CDH18: variants seen among roughly 807,000 people sequenced by gnomAD.
CDH18 encodes cadherin-18.
Under a neutral mutation model 67.9 loss-of-function variants are expected in CDH18, and 31 were observed. The observed-to-expected ratio is 0.46, with a 90% CI of 0.34 to 0.62. The LOEUF (loss-of-function observed/expected upper bound fraction) is 0.62. Ranked by LOEUF, CDH18 falls within the 20% of genes least tolerant of loss-of-function variation. The pLI is 0.01. For missense variants in CDH18, 890 were observed against 975.5 expected, an observed-to-expected ratio of 0.91 and a Z score of 1.17; for synonymous variants, 362 against 347.2, an observed-to-expected ratio of 1.04 and a Z score of -0.48.
At chr5:20,090,888 A>G (rs1455335313) in intron 2 of CDH18, among the ~76,000 whole-genome samples, 1 of 151,698 alleles carries the variant, frequency 6.6e-6, no homozygotes, top group Non-Finnish European at 1.5e-5. Context: ...TATAAAATAT[A>G]AAAGAAAATA....
intron 9 of CDH18, among the ~76,000 whole-genome samples, chr5:19,537,858 T>C (rs1050943390): frequency 6.6e-6 from 1 of 152,166 alleles, no homozygotes; most frequent in Non-Finnish European, 1.5e-5. Flanking sequence ...ATATTCTGCA[T>C]GAGTTAATTG....
chr5:20,151,009 AT>A (rs1440294401), intron 2 of CDH18, among the ~76,000 whole-genome samples: 3 of 151,552 alleles, frequency 2.0e-5, no homozygotes, highest in Non-Finnish European at 3.0e-5. Context: ...CAACAATTTC[AT>A]TTTTTTATTT....
intron 5 of CDH18, among the ~76,000 whole-genome samples, chr5:19,656,907 T>C (rs1756484733): frequency 6.6e-6 from 1 of 151,934 alleles, no homozygotes. Flanking sequence ...TGTGTGTCGG[T>C]GGGAGAAAAC....
At chr5:19,676,003 A>G (rs1759438555) in intron 5 of CDH18, among the ~76,000 whole-genome samples, 1 of 151,962 alleles carries the variant, frequency 6.6e-6, no homozygotes. Context: ...AGTAAACAAA[A>G]GCAGTGATCT....
chr5:19,624,002 T>C (rs1751109406), intron 5 of CDH18, among the ~76,000 whole-genome samples: 1 of 147,594 alleles, frequency 6.8e-6, no homozygotes, highest in Non-Finnish European at 1.5e-5. Context: ...ATTATTATTA[T>C]TATTATTATT....
intron 2 of CDH18, among the ~76,000 whole-genome samples, chr5:20,118,980 A>G (rs867490093): frequency 6.6e-6 from 1 of 152,174 alleles, no homozygotes. Context: ...AGAGGGATTT[A>G]AAATAGTCCC....
chr5:19,824,668 C>T (rs573359242), intron 3 of CDH18, among the ~76,000 whole-genome samples: 1 of 152,294 alleles, frequency 6.6e-6, no homozygotes, highest in East Asian at 1.9e-4. Flanking sequence ...TTGCTTCACT[C>T]CTCCTAGCTG....
intron 1 of CDH18, among the ~76,000 whole-genome samples, chr5:20,456,287 C>T (rs1431880696): frequency 6.6e-6 from 1 of 151,972 alleles, no homozygotes; most frequent in East Asian, 1.9e-4. Context: ...TTGCATATTG[C>T]TGTACTCTAA....
chr5:19,501,623 A>C (rs531200108), intron 11 of CDH18, among the ~76,000 whole-genome samples: 2 of 152,250 alleles, frequency 1.3e-5, no homozygotes, highest in Non-Finnish European at 2.9e-5. Context: ...TGAATTGAAC[A>C]CATCTTCAAA....
At position 20,103,389 on chromosome 5, in the gene CDH18, T is replaced by G. The variant is rs538875695; in HGVS notation, c.-517-111375A>C. 5.3e-5 allele frequency among the ~76,000 whole-genome samples: 8 copies of G among 152,070 alleles called. No homozygotes were observed. In the East Asian group the frequency reaches 1.5e-3, roughly 29 times the overall value. ...TTGCATTTAAAAGATTACAAAACAT[T>G]AAGTAGGAAGTAGAAGAATGATACC... On this transcript the variant is annotated intron_variant, in intron 2 of 14. Transcript: ENST00000507958.
In CDH18 at chr5:19,775,542, T is replaced by TGG. The variant is rs201998927; in HGVS notation, c.229-28308_229-28307dup. Among the ~76,000 whole-genome samples, 73 of 151,692 alleles carry TGG rather than the reference T, an allele frequency of 4.8e-4. 1 individual carries two copies. Among genetic ancestry groups the TGG allele is most frequent in the African/African-American group, 1.6e-3 (67 of 41,354 alleles). On this transcript the variant is annotated intron_variant, in intron 3 of 12. Coordinates refer to ENST00000382275, the MANE Select transcript of CDH18 (RefSeq NM_004934.5). ...AAAAGCAGGAGCGAGAGAAAGACAG[T>TGG]GGGGGGGAGATGCCACACACTTTTA...
chr5:20,560,544 G>C (rs1758151969), intron 1 of CDH18, among the ~76,000 whole-genome samples: 2 of 147,222 alleles, frequency 1.4e-5, no homozygotes, highest in Admixed American at 6.8e-5. Context: ...AAGACTCAAA[G>C]GTAATTCAAG....
chr5:20,143,599 T>C (rs1018296719), intron 2 of CDH18, among the ~76,000 whole-genome samples: 2 of 152,134 alleles, frequency 1.3e-5, no homozygotes, highest in African/African-American at 4.8e-5. Flanking sequence ...GAATGCCTAT[T>C]CTCAAGAGAT....
At chr5:19,799,584 T>C (rs943929790) in intron 3 of CDH18, among the ~76,000 whole-genome samples, 1 of 152,104 alleles carries the variant, frequency 6.6e-6, no homozygotes, top group Admixed American at 6.5e-5. Flanking sequence ...TTTAAATGTA[T>C]ACATTATCTA....
At chr5:20,326,687 C>G (rs1369327047) in intron 1 of CDH18, among the ~76,000 whole-genome samples, 1 of 151,830 alleles carries the variant, frequency 6.6e-6, no homozygotes, top group Admixed American at 6.6e-5. Flanking sequence ...TACAGGTGCC[C>G]GCCACCACAC....
intron 1 of CDH18, among the ~76,000 whole-genome samples, chr5:20,398,994 T>C (rs1371046607): frequency 6.6e-6 from 1 of 152,020 alleles, no homozygotes; most frequent in Non-Finnish European, 1.5e-5. Context: ...CCATGGCACA[T>C]GTATACCCAT....
intron 2 of CDH18, among the ~76,000 whole-genome samples, chr5:20,104,140 AATATAG>A (rs1303146946): frequency 1.3e-5 from 2 of 151,200 alleles, no homozygotes; most frequent in Admixed American, 6.6e-5. Context: ...CATGGCTATT[AATATAG>A]ATATAGATTA....
intron 5 of CDH18, among the ~76,000 whole-genome samples, chr5:19,702,104 TCC>T (rs34749665): frequency 6.7e-6 from 1 of 149,030 alleles, no homozygotes; most frequent in Non-Finnish European, 1.5e-5. Context: ...TTGCCGAAGC[TCC>T]CCGCTACACT....
intron 2 of CDH18, among the ~76,000 whole-genome samples, chr5:19,923,539 T>A (rs1333333014): frequency 6.6e-6 from 1 of 152,124 alleles, no homozygotes; most frequent in Non-Finnish European, 1.5e-5. Context: ...CAATTTCACA[T>A]GTGTAGCAGA....
Sources: allele counts gnomAD v4.1 joint callset (sites outside exome capture counted in the v4.1 genomes callset), GRCh38; gene constraint gnomAD v4.1.1; transcripts MANE v1.5; gene names NCBI Gene and HGNC (gene_info 2026-07-23, HGNC 2026-07-21).